The following GPRIN3 variants were observed in gnomAD, a reference collection of about 807,000 sequenced individuals.
The protein encoded by GPRIN3 is G protein-regulated inducer of neurite outgrowth 3.
In GPRIN3, 12 loss-of-function variants were observed where a neutral mutation model predicts 13.7. That is an observed-to-expected ratio of 0.87 (90% CI 0.56 to 1.42). The LOEUF (loss-of-function observed/expected upper bound fraction) is 1.42, where lower values mean the gene tolerates loss of function less well. Among genes scored for constraint, GPRIN3 ranks in the 40% most tolerant of loss-of-function variants. The pLI, the probability that GPRIN3 is intolerant of heterozygous loss-of-function variation, is 0.00. For missense variants in GPRIN3, 1,009 were observed against 958.7 expected (o/e 1.05, Z -0.69); for synonymous variants, 377 against 372.7 (o/e 1.01, Z -0.13).
intron 1 of GPRIN3, among the ~76,000 whole-genome samples, chr4:89,292,196 A>C (rs925791192): frequency 6.6e-6 from 1 of 152,210 alleles, no homozygotes; most frequent in Non-Finnish European, 1.5e-5. Flanking sequence ...GTATTGGCTA[A>C]TTTTGTCAAT....
rs530464626 is a variant in GPRIN3 at position 89,240,011 on chromosome 4, G to A, written c.*7769C>T. 6.6e-6 allele frequency: 1 copy of A among 152,130 alleles called. No homozygotes were observed. The highest frequency in any genetic ancestry group is 2.4e-5 in the African/African-American group (1 of 41,428). 9.4% of individuals were successfully genotyped at this position (152,130 alleles called of 1,614,324 possible). Reference sequence around the variant, plus strand: ...CCCAACCAACGTAATTTTTAGTGTCGAGGATTCAAGGTCAAATTGTGTTAG... The same window carrying A: ...CCCAACCAACGTAATTTTTAGTGTCAAGGATTCAAGGTCAAATTGTGTTAG... On this transcript the variant is annotated 3_prime_UTR_variant, in exon 2 of 2. Coordinates refer to ENST00000609438, the MANE Select transcript of GPRIN3 (RefSeq NM_198281.3).
chr4:89,299,450 G>A (rs891662480), intron 1 of GPRIN3, among the ~76,000 whole-genome samples: 30 of 152,190 alleles, frequency 2.0e-4, no homozygotes, highest in African/African-American at 7.0e-4. Flanking sequence ...ATTTCAGAGC[G>A]CTATGAAGAC....
chr4:89,283,061 T>C (rs1024389631), intron 1 of GPRIN3, among the ~76,000 whole-genome samples: 1 of 152,226 alleles, frequency 6.6e-6, no homozygotes, highest in African/African-American at 2.4e-5. Context: ...TTAACAAAGA[T>C]AGCCAAGGCC....
rs557699489 is a variant in GPRIN3 at position 89,240,732 on chromosome 4, A to G, written c.*7048T>C. 27 of 152,314 alleles carry G rather than the reference A, an allele frequency of 1.8e-4. No homozygotes were observed. The highest frequency in any genetic ancestry group is 6.0e-4 in the African/African-American group (25 of 41,578). The allele number at this position is 152,314 out of a possible 1,614,324, so 9.4% of individuals were successfully genotyped here. On this transcript the variant is annotated 3_prime_UTR_variant, in exon 2 of 2. Transcript: ENST00000609438. ...ATTAATTGGGGGGGCATCTCATTCA[A>G]TAATAATATTTGTAAAACAGAGCAG...
At chr4:89,263,297 T>C (rs1181306407) in intron 1 of GPRIN3, among the ~76,000 whole-genome samples, 3 of 152,234 alleles carry the variant, frequency 2.0e-5, no homozygotes, top group Non-Finnish European at 4.4e-5. Flanking sequence ...TAAAAAAATG[T>C]CCTTCACTAT....
At chr4:89,294,769 T>C (rs1057396611) in intron 1 of GPRIN3, among the ~76,000 whole-genome samples, 1 of 152,168 alleles carries the variant, frequency 6.6e-6, no homozygotes, top group Non-Finnish European at 1.5e-5. Context: ...TTTTCACCAC[T>C]ATAGCAAAAT....
chr4:89,298,843 A>C (rs1456097594), intron 1 of GPRIN3, among the ~76,000 whole-genome samples: 1 of 152,190 alleles, frequency 6.6e-6, no homozygotes, highest in South Asian at 2.1e-4. Flanking sequence ...TTTGCAAAGT[A>C]GAAGGAGCTG....
At chr4:89,265,134 T>A (rs555722133) in intron 1 of GPRIN3, among the ~76,000 whole-genome samples, 5 of 152,328 alleles carry the variant, frequency 3.3e-5, no homozygotes, top group African/African-American at 1.2e-4. Context: ...GGTGAGGTAA[T>A]CATACATCCT....
chr4:89,280,856 G>A (rs541381037), intron 1 of GPRIN3, among the ~76,000 whole-genome samples: 1 of 152,290 alleles, frequency 6.6e-6, no homozygotes, highest in South Asian at 2.1e-4. Flanking sequence ...AGGATTGCTG[G>A]CAACCACCAG....
At chr4:89,253,728 A>G (rs577669739) in intron 1 of GPRIN3, among the ~76,000 whole-genome samples, 4 of 152,234 alleles carry the variant, frequency 2.6e-5, no homozygotes, top group South Asian at 4.1e-4. Context: ...TTGTCCATCA[A>G]TTGAAGTTCA....
intron 1 of GPRIN3, among the ~76,000 whole-genome samples, chr4:89,288,102 T>C (rs973674190): frequency 6.6e-6 from 1 of 152,212 alleles, no homozygotes; most frequent in Non-Finnish European, 1.5e-5. Flanking sequence ...AGAATCTTGC[T>C]CCTGGCATTG....
At position 89,249,497 on chromosome 4, in the gene GPRIN3, G is replaced by A. The variant is rs759556606; in HGVS notation, c.614C>T (p.Ala205Val). 1 of 1,614,142 alleles carries A rather than the reference G, an allele frequency of 6.2e-7. No homozygotes were observed. Among genetic ancestry groups the A allele is most frequent in the Non-Finnish European group, 8.5e-7 (1 of 1,180,016 alleles). The stretch of plus-strand genomic sequence containing the variant: ...GGATGAGTGACTGACCACCCTGGCT[G>A]CTGTCACTGGAGTCTGCACTGTTCC... ...IQGTVQTPVT[A>V]ARVVSHSSSP... Residue 205 changes from alanine to valine, a missense_variant, in exon 2 of 2, where the codon GCA becomes GTA. Physicochemically the swap from Ala to Val is moderately conservative, Grantham distance 64 (BLOSUM62 0). Coordinates refer to ENST00000609438, the MANE Select transcript of GPRIN3 (RefSeq NM_198281.3).
At chr4:89,273,403 C>T (rs780525753) in intron 1 of GPRIN3, among the ~76,000 whole-genome samples, 29 of 152,122 alleles carry the variant, frequency 1.9e-4, no homozygotes, top group Non-Finnish European at 3.1e-4. Context: ...ATGCCTCGGT[C>T]GGGCGCAGTG....
Position 89,247,682 on chromosome 4 carries a change from C to T in GPRIN3, c.*98G>A. On this transcript the variant is annotated 3_prime_UTR_variant, in exon 2 of 2. Coordinates refer to ENST00000609438, the MANE Select transcript of GPRIN3 (RefSeq NM_198281.3). ...TTCCTATAGTGAATACTTGCTTTTTCTTCCTAGTCTTGCAGCAAAAAACTA... is the reference window on the plus strand; with the variant it reads ...TTCCTATAGTGAATACTTGCTTTTTTTTCCTAGTCTTGCAGCAAAAAACTA... 1.6e-6 allele frequency: 2 copies of T among 1,260,012 alleles called. No homozygotes were observed. Among genetic ancestry groups the T allele is most frequent in the African/African-American group, 1.5e-5 (1 of 66,674 alleles). The allele number at this position is 1,260,012 out of a possible 1,614,324, so 78.1% of individuals were successfully genotyped here.
chr4:89,250,264 C>T, intron 1 of GPRIN3, 31 bp from the exon 2 acceptor site: 7 of 1,405,118 alleles, frequency 5.0e-6, no homozygotes, highest in Non-Finnish European at 1.9e-6. Flanking sequence ...ATCATTAATA[C>T]AGTACGTCGC....
chr4:89,273,015 A>AT (rs888433665), intron 1 of GPRIN3, among the ~76,000 whole-genome samples: 123 of 151,538 alleles, frequency 8.1e-4, no homozygotes, highest in African/African-American at 2.6e-3. Context: ...AATGAACCAC[A>AT]TTTTTTTTTG....
chr4:89,264,136 T>C (rs1205051778), intron 1 of GPRIN3, among the ~76,000 whole-genome samples: 2 of 152,206 alleles, frequency 1.3e-5, no homozygotes, highest in Non-Finnish European at 2.9e-5. Context: ...ATCCCCAGTG[T>C]TGGAGGTGGG....
intron 1 of GPRIN3, among the ~76,000 whole-genome samples, chr4:89,270,103 T>A (rs964440786): frequency 6.6e-6 from 1 of 152,022 alleles, no homozygotes; most frequent in Admixed American, 6.6e-5. Context: ...CATGGTGACA[T>A]TAAAAAGTAT....
At chr4:89,264,406 C>A (rs529307399) in intron 1 of GPRIN3, among the ~76,000 whole-genome samples, 1 of 152,180 alleles carries the variant, frequency 6.6e-6, no homozygotes, top group African/African-American at 2.4e-5. Context: ...GTACAACCTG[C>A]AGAACTGTGA....
Sources: gnomAD v4.1 joint callset for allele counts (sites outside exome capture counted in the v4.1 genomes callset) on GRCh38, gnomAD v4.1.1 for gene constraint, MANE v1.5 for transcripts, NCBI Gene and HGNC (gene_info 2026-07-23, HGNC 2026-07-21) for gene names.